FOXP1: variants seen among roughly 807,000 people sequenced by gnomAD.
FOXP1 encodes forkhead box P1.
In FOXP1, 15 loss-of-function variants were observed where a neutral mutation model predicts 98.2. The ratio of observed to expected loss-of-function variants is 0.15; its 90% confidence interval spans 0.10 to 0.24. The LOEUF (loss-of-function observed/expected upper bound fraction) is 0.24, where lower values mean the gene tolerates loss of function less well. FOXP1 is among the 10% of genes least tolerant of loss of function. The pLI is 1.00. For synonymous variants in FOXP1, 371 were observed against 314.5 expected (o/e 1.18, Z -1.90); for missense variants, 633 against 848.5 (o/e 0.75, Z 3.15).
intron 6 of FOXP1, among the ~76,000 whole-genome samples, chr3:71,139,086 C>T (rs1488395371): frequency 2.6e-5 from 4 of 152,080 alleles, no homozygotes; most frequent in African/African-American, 9.7e-5. Flanking sequence ...TTCACATCTA[C>T]AGGAAATTTT....
chr3:71,243,558 T>C (rs1274709508), intron 5 of FOXP1, among the ~76,000 whole-genome samples: 1 of 152,228 alleles, frequency 6.6e-6, no homozygotes, highest in African/African-American at 2.4e-5. Flanking sequence ...ACTGCTCACT[T>C]TTAACGTGGT....
At chr3:70,999,425 A>T (rs2041833849) in intron 13 of FOXP1, among the ~76,000 whole-genome samples, 1 of 152,218 alleles carries the variant, frequency 6.6e-6, no homozygotes. Flanking sequence ...TCTTAATCAT[A>T]AAAGAACTCT....
intron 3 of FOXP1, among the ~76,000 whole-genome samples, chr3:71,380,065 G>A (rs2080024157): frequency 6.6e-6 from 1 of 152,192 alleles, no homozygotes; most frequent in Non-Finnish European, 1.5e-5. Context: ...AAATCTCCAA[G>A]AATGCCTGAG....
At chr3:71,394,533 A>G (rs2081246111) in intron 3 of FOXP1, among the ~76,000 whole-genome samples, 1 of 152,204 alleles carries the variant, frequency 6.6e-6, no homozygotes, top group South Asian at 2.1e-4. Context: ...TGGATCAAAG[A>G]TGCATTTTTA....
At chr3:70,990,407 C>A (rs1316972909) in intron 13 of FOXP1, among the ~76,000 whole-genome samples, 3 of 152,190 alleles carry the variant, frequency 2.0e-5, no homozygotes, top group Admixed American at 6.5e-5. Context: ...CTAACTGCTC[C>A]TTCCAAAAGC....
At chr3:71,462,485 T>C (rs1577649402) in intron 3 of FOXP1, among the ~76,000 whole-genome samples, 1 of 152,204 alleles carries the variant, frequency 6.6e-6, no homozygotes, top group Non-Finnish European at 1.5e-5. Context: ...GTATCCATGA[T>C]GGGCCAACTA....
Position 71,036,865 on chromosome 3 carries a change from C to T in FOXP1, c.869+4463G>A, listed in dbSNP as rs910259382. Among the ~76,000 whole-genome samples, 10 of 152,156 alleles carry T rather than the reference C, an allele frequency of 6.6e-5. No homozygotes were observed. In the East Asian group the frequency reaches 9.6e-4, roughly 15 times the overall value. On this transcript the variant is annotated intron_variant, in intron 11 of 20. Transcript: ENST00000649528. ...TTGCACACAGTAGGTTAACTTAATA[C>T]GTGTTTTGTCAAATTGAATTTCAAT...
intron 2 of FOXP1, among the ~76,000 whole-genome samples, chr3:71,548,390 C>G (rs916081447): frequency 6.6e-6 from 1 of 151,760 alleles, no homozygotes; most frequent in Non-Finnish European, 1.5e-5. Flanking sequence ...TCCTGTCCCC[C>G]TTCCTCAACT....
chr3:71,064,704 A>T (rs924015495), intron 7 of FOXP1: 1 of 669,130 alleles, frequency 1.5e-6, no homozygotes, highest in Non-Finnish European at 1.8e-6. Context: ...ATTTTTTAAA[A>T]GACTCAACTT....
chr3:71,533,488 T>C (rs2044029337), intron 2 of FOXP1, among the ~76,000 whole-genome samples: 1 of 152,248 alleles, frequency 6.6e-6, no homozygotes, highest in Admixed American at 6.5e-5. Context: ...TATGTGTTAA[T>C]TGACTGTTTA....
chr3:71,541,534 T>C (rs1036746289), intron 2 of FOXP1, among the ~76,000 whole-genome samples: 3 of 152,186 alleles, frequency 2.0e-5, no homozygotes, highest in Admixed American at 1.3e-4. Context: ...CATCTGGCTC[T>C]TCAGAACAAA....
intron 3 of FOXP1, among the ~76,000 whole-genome samples, chr3:71,448,885 C>CT (rs2086688963): frequency 6.6e-6 from 1 of 152,192 alleles, no homozygotes; most frequent in African/African-American, 2.4e-5. Flanking sequence ...CGGCACACGT[C>CT]TTTTTCATGG....
At chr3:71,580,032 T>C (rs2048035398) in intron 2 of FOXP1, among the ~76,000 whole-genome samples, 1 of 152,120 alleles carries the variant, frequency 6.6e-6, no homozygotes, top group Non-Finnish European at 1.5e-5. Context: ...CATATAGCCT[T>C]GCTGCTTGAT....
At chr3:71,380,106 A>G (rs1208204602) in intron 3 of FOXP1, among the ~76,000 whole-genome samples, 1 of 152,202 alleles carries the variant, frequency 6.6e-6, no homozygotes, top group Non-Finnish European at 1.5e-5. Context: ...AATAAACCAA[A>G]AAGATGGGGG....
At chr3:70,960,905 G>C (rs2033273678) in intron 20 of FOXP1, among the ~76,000 whole-genome samples, 1 of 148,456 alleles carries the variant, frequency 6.7e-6, no homozygotes, top group African/African-American at 2.5e-5. Flanking sequence ...GCAGTGGCGT[G>C]ATCTTGGCTC....
At chr3:71,359,470 T>C (rs1384621173) in intron 3 of FOXP1, among the ~76,000 whole-genome samples, 1 of 152,190 alleles carries the variant, frequency 6.6e-6, no homozygotes, top group African/African-American at 2.4e-5. Context: ...GTTATGTAGG[T>C]GAGTAAAACT....
At chr3:71,573,208 TTCTC>T (rs1392695535) in intron 2 of FOXP1, among the ~76,000 whole-genome samples, 1 of 152,192 alleles carries the variant, frequency 6.6e-6, no homozygotes, top group African/African-American at 2.4e-5. Flanking sequence ...GAAATGAGAT[TTCTC>T]TCTAAGTATC....
chr3:71,115,794 T>C (rs1482987483), intron 6 of FOXP1, among the ~76,000 whole-genome samples: 1 of 149,132 alleles, frequency 6.7e-6, no homozygotes, highest in African/African-American at 2.5e-5. Flanking sequence ...TGGAGTGCAG[T>C]AGTGCAACCT....
At chr3:71,519,631 C>T (rs114577650) in intron 2 of FOXP1, among the ~76,000 whole-genome samples, 9 of 152,214 alleles carry the variant, frequency 5.9e-5, no homozygotes, top group Non-Finnish European at 1.0e-4. Context: ...GTTGGGGTCA[C>T]TTTATTTCTA....
Sources: gnomAD v4.1 joint callset for allele counts (sites outside exome capture counted in the v4.1 genomes callset) on GRCh38, gnomAD v4.1.1 for gene constraint, MANE v1.5 for transcripts, NCBI Gene and HGNC (gene_info 2026-07-23, HGNC 2026-07-21) for gene names.